FAM184A: variants seen among roughly 807,000 people sequenced by gnomAD.
FAM184A encodes the protein family with sequence similarity 184 member A, also known as protein FAM184A.
A neutral mutation model predicts 143.8 loss-of-function variants in FAM184A; 99 were observed. The ratio of observed to expected loss-of-function variants is 0.69; its 90% CI spans 0.58 to 0.81. FAM184A has a LOEUF of 0.81. Among genes scored for constraint, FAM184A ranks in the 40% least tolerant of loss-of-function variants. FAM184A has a pLI of 0.00. For missense variants in FAM184A, 1,217 were observed against 1,310.5 expected (o/e 0.93, Z 1.10); for synonymous variants, 427 against 446.4 (o/e 0.96, Z 0.55).
chr6:119,120,161 C>T (rs1376115332), intron 1 of FAM184A, among the ~76,000 whole-genome samples: 9 of 152,210 alleles, frequency 5.9e-5, no homozygotes, highest in Non-Finnish European at 1.2e-4. Flanking sequence ...CACCCATTTG[C>T]TGTTACTCAT....
At chr6:119,098,452 A>C (rs1788563392) in intron 1 of FAM184A, among the ~76,000 whole-genome samples, 1 of 152,240 alleles carries the variant, frequency 6.6e-6, no homozygotes, top group South Asian at 2.1e-4. Flanking sequence ...TCTTACAAGC[A>C]AGACTTTTTA....
At chr6:119,087,892 A>G (rs1407673776) in intron 1 of FAM184A, among the ~76,000 whole-genome samples, 1 of 152,268 alleles carries the variant, frequency 6.6e-6, no homozygotes, top group Non-Finnish European at 1.5e-5. Context: ...AATGTGGTAT[A>G]TACAACAGAA....
At chr6:119,140,970 T>G (rs898429075) in intron 1 of FAM184A, among the ~76,000 whole-genome samples, 1 of 152,226 alleles carries the variant, frequency 6.6e-6, no homozygotes, top group Non-Finnish European at 1.5e-5. Context: ...CGTTGACAAC[T>G]GGAGATAAGC....
At chr6:119,054,451 A>G (rs1220754224) in intron 1 of FAM184A, among the ~76,000 whole-genome samples, 1 of 152,212 alleles carries the variant, frequency 6.6e-6, no homozygotes, top group African/African-American at 2.4e-5. Context: ...CTCACATGGC[A>G]GAAGTGGCAA....
intron 1 of FAM184A, among the ~76,000 whole-genome samples, chr6:119,122,724 C>T (rs1281820335): frequency 6.6e-6 from 1 of 151,600 alleles, no homozygotes; most frequent in African/African-American, 2.4e-5. Flanking sequence ...GAGTTCAACA[C>T]CGACCTGGGC....
At chr6:119,131,695 G>T (rs189928122) in intron 1 of FAM184A, among the ~76,000 whole-genome samples, 2 of 152,044 alleles carry the variant, frequency 1.3e-5, no homozygotes, top group Admixed American at 1.3e-4. Flanking sequence ...TATTGCCCAG[G>T]CTAGTCTCAA....
At chr6:119,031,086 CT>C (rs375012355) in intron 1 of FAM184A, among the ~76,000 whole-genome samples, 15 of 151,798 alleles carry the variant, frequency 9.9e-5, no homozygotes, top group Admixed American at 9.2e-4. Context: ...TATGATAAAT[CT>C]TTTTTTTCCT....
In FAM184A at chr6:119,096,362, C is replaced by T. The variant is rs532676403; in HGVS notation, c.-202+52716G>A. ...ACAGAAAGAAAGAAAAGGGGCCGGG[C>T]GCGGTGGCTCACGCCTGTAATCCCA... On this transcript the variant is annotated intron_variant, in intron 1 of 16. Transcript: ENST00000352896. Among the ~76,000 whole-genome samples, 15 of 31,602 alleles carry T rather than the reference C, an allele frequency of 4.7e-4. 5 individuals are homozygous for T. Among genetic ancestry groups the T allele is most frequent in the African/African-American group, 1.6e-3 (15 of 9,574 alleles). 20.7% of individuals were successfully genotyped at this position (31,602 alleles called of 152,430 possible). A position where few individuals can be genotyped will look rare whatever the true frequency, so the allele number is the denominator to read the frequency against.
chr6:119,147,527 C>A (rs768640953), intron 1 of FAM184A, among the ~76,000 whole-genome samples: 1 of 152,128 alleles, frequency 6.6e-6, no homozygotes, highest in Non-Finnish European at 1.5e-5. Flanking sequence ...TAGAAACAGA[C>A]CAGACCACAT....
chr6:118,989,260 C>T (rs930841190), intron 9 of FAM184A, among the ~76,000 whole-genome samples: 1 of 151,570 alleles, frequency 6.6e-6, no homozygotes, highest in Non-Finnish European at 1.5e-5. Context: ...CCGCGCCCAG[C>T]CTGGACATGA....
intron 1 of FAM184A, among the ~76,000 whole-genome samples, chr6:119,135,724 C>T (rs1414433082): frequency 1.3e-5 from 2 of 152,076 alleles, no homozygotes; most frequent in Non-Finnish European, 2.9e-5. Flanking sequence ...AGAATTCCCT[C>T]AGAGAAGAGC....
Position 118,960,130 on chromosome 6 carries a change from C to G in FAM184A, c.3396G>C (p.Glu1132Asp), listed in dbSNP as rs763483819. The change falls in exon 18 of 18, where the codon GAG becomes GAC. Residue 1132 changes from glutamate to aspartate, a missense_variant. Coordinates refer to ENST00000338891, the MANE Select transcript of FAM184A (RefSeq NM_024581.6). ...PVASPDPQRQ[E>D]WFARYFTF Reference sequence around the variant, plus strand: ...AGAATGTGAAGTACCGGGCAAACCACTCCTGGCGCTGGGGATCTGGAGAAG... The same window carrying G: ...AGAATGTGAAGTACCGGGCAAACCAGTCCTGGCGCTGGGGATCTGGAGAAG... 35 of 1,613,344 alleles carry G rather than the reference C, an allele frequency of 2.2e-5. No homozygotes were observed. Among genetic ancestry groups the G allele is most frequent in the Non-Finnish European group, 3.0e-5 (35 of 1,179,586 alleles).
chr6:119,002,271 G>T (rs189734607), intron 9 of FAM184A, among the ~76,000 whole-genome samples: 4 of 152,270 alleles, frequency 2.6e-5, no homozygotes, highest in African/African-American at 9.6e-5. Flanking sequence ...CCTATTTAAT[G>T]ACTTGCTCTG....
chr6:119,001,303 T>C (rs794263), intron 9 of FAM184A, among the ~76,000 whole-genome samples: 86,308 of 150,706 alleles, frequency 0.57, 25,071 homozygotes, highest in East Asian at 0.76. Flanking sequence ...TTCAGAAGTG[T>C]GGAAAAAGGA....
At chr6:118,992,419 C>T (rs1408245431) in intron 9 of FAM184A, among the ~76,000 whole-genome samples, 1 of 152,118 alleles carries the variant, frequency 6.6e-6, no homozygotes, top group Admixed American at 6.5e-5. Flanking sequence ...ATAGCAAGTG[C>T]AGCCTTTGGT....
intron 1 of FAM184A, among the ~76,000 whole-genome samples, chr6:119,113,244 G>A (rs976399127): frequency 5.3e-5 from 8 of 152,202 alleles, no homozygotes; most frequent in Admixed American, 1.3e-4. Context: ...CATTACAACT[G>A]TGGCCAGGAA....
intron 1 of FAM184A, among the ~76,000 whole-genome samples, chr6:119,068,419 C>T (rs768539217): frequency 6.6e-6 from 1 of 152,128 alleles, no homozygotes; most frequent in Non-Finnish European, 1.5e-5. Context: ...ATAGTGGGTA[C>T]AAACTGACTT....
At chr6:119,084,970 G>A (rs574853493) in intron 1 of FAM184A, among the ~76,000 whole-genome samples, 57 of 152,360 alleles carry the variant, frequency 3.7e-4, no homozygotes, top group African/African-American at 1.3e-3. Context: ...AGGGTCCTGG[G>A]TGTGGCTCAT....
chr6:119,103,958 T>G (rs1334584324), intron 1 of FAM184A, among the ~76,000 whole-genome samples: 1 of 151,974 alleles, frequency 6.6e-6, no homozygotes, highest in African/African-American at 2.4e-5. Context: ...AAGAGGAATG[T>G]TCATTCTTTA....
Sources: allele counts gnomAD v4.1 joint callset (sites outside exome capture counted in the v4.1 genomes callset), GRCh38; gene constraint gnomAD v4.1.1; transcripts MANE v1.5; gene names NCBI Gene and HGNC (gene_info 2026-07-23, HGNC 2026-07-21).